CNTLN: variants seen among roughly 807,000 people sequenced by gnomAD.
The protein encoded by CNTLN is centlein, centrosomal protein.
Under a neutral mutation model 180.0 loss-of-function variants are expected in CNTLN, and 212 were observed. The observed-to-expected ratio is 1.18, with a 90% CI of 1.05 to 1.32. The LOEUF (loss-of-function observed/expected upper bound fraction) is 1.32, where lower values mean the gene tolerates loss of function less well. Ranked by LOEUF, CNTLN falls within the 40% of genes most tolerant of loss-of-function variation. The pLI is 0.00. For missense variants in CNTLN, 2,095 were observed against 1,610.9 expected, an observed-to-expected ratio of 1.30 and a Z score of -5.14; for synonymous variants, 722 against 563.1, an observed-to-expected ratio of 1.28 and a Z score of -3.99.
intron 19 of CNTLN, among the ~76,000 whole-genome samples, chr9:17,459,669 G>A (rs1688038644): frequency 6.6e-6 from 1 of 151,732 alleles, no homozygotes; most frequent in South Asian, 2.1e-4. Flanking sequence ...CTAAGATCAA[G>A]GTGTCAACAG....
At chr9:17,450,580 C>G (rs1250180035) in intron 18 of CNTLN, among the ~76,000 whole-genome samples, 1 of 152,174 alleles carries the variant, frequency 6.6e-6, no homozygotes, top group Non-Finnish European at 1.5e-5. Flanking sequence ...GAGGATTAAT[C>G]TACCATTGGC....
intron 14 of CNTLN, among the ~76,000 whole-genome samples, chr9:17,392,064 T>A (rs1481498553): frequency 1.3e-5 from 2 of 151,846 alleles, no homozygotes; most frequent in Non-Finnish European, 2.9e-5. Flanking sequence ...AAAGAAAAAA[T>A]GTGGACCAAT....
chr9:17,327,682 A>C (rs963805585), intron 8 of CNTLN, among the ~76,000 whole-genome samples: 1 of 150,976 alleles, frequency 6.6e-6, no homozygotes, highest in African/African-American at 2.4e-5. Context: ...GGCCGGGTGC[A>C]GTGGCTTATG....
At chr9:17,442,759 C>T (rs1157108209) in intron 18 of CNTLN, among the ~76,000 whole-genome samples, 1 of 152,054 alleles carries the variant, frequency 6.6e-6, no homozygotes, top group Non-Finnish European at 1.5e-5. Flanking sequence ...TTAGAAAATA[C>T]CTTGAGACAA....
intron 2 of CNTLN, among the ~76,000 whole-genome samples, chr9:17,174,253 G>T (rs941707932): frequency 3.3e-5 from 5 of 152,118 alleles, no homozygotes; most frequent in African/African-American, 1.2e-4. Context: ...GGACATCTGG[G>T]TTGTTTCCAG....
At chr9:17,321,558 G>A (rs979038387) in intron 8 of CNTLN, among the ~76,000 whole-genome samples, 1 of 152,134 alleles carries the variant, frequency 6.6e-6, no homozygotes, top group African/African-American at 2.4e-5. Flanking sequence ...ACATTTGGAA[G>A]GGTATATCTA....
intron 6 of CNTLN, among the ~76,000 whole-genome samples, chr9:17,278,116 TCCGGA>T (rs1828430691): frequency 2.6e-5 from 4 of 152,112 alleles, no homozygotes; most frequent in Admixed American, 2.6e-4. Context: ...TAAATAAATA[TCCGGA>T]CCTCTTTCTC....
chr9:17,508,356 C>T (rs764835140), downstream of CNTLN, among the ~76,000 whole-genome samples: 4 of 152,304 alleles, frequency 2.6e-5, no homozygotes, highest in South Asian at 8.3e-4. Flanking sequence ...TACATAACCA[C>T]AGTACACTGT....
At chr9:17,185,009 T>G (rs1391847335) in intron 2 of CNTLN, among the ~76,000 whole-genome samples, 1 of 152,218 alleles carries the variant, frequency 6.6e-6, no homozygotes, top group Non-Finnish European at 1.5e-5. Flanking sequence ...CCAATAACAT[T>G]TAATTTATCT....
chr9:17,481,688 C>T (rs1177427357), intron 23 of CNTLN, among the ~76,000 whole-genome samples: 2 of 152,222 alleles, frequency 1.3e-5, no homozygotes, highest in Non-Finnish European at 2.9e-5. Flanking sequence ...AGCCTACCTG[C>T]AGCCCAACTG....
intron 5 of CNTLN, among the ~76,000 whole-genome samples, chr9:17,241,060 G>A (rs779839789): frequency 4.6e-5 from 7 of 152,078 alleles, no homozygotes; most frequent in Admixed American, 6.5e-5. Flanking sequence ...GGGTTTCATC[G>A]TGTTAGCCAG....
In CNTLN at chr9:17,457,698, T is replaced by C; in HGVS notation, c.3289T>C (p.Leu1097=). Residue 1097 remains leucine, a synonymous_variant, in exon 19 of 26, where the codon TTG becomes CTG. Coordinates refer to ENST00000380647, the MANE Select transcript of CNTLN (RefSeq NM_017738.4). ...SRSMDLEMKQ[L]QYKLKNATNE... is the part of the protein sequence containing the mutation. ...GAGCATGGATTTGGAAATGAAGCAA[T>C]TGCAGTATAAACTAAAGGTGATTAT... 1.3e-6 allele frequency: 2 copies of C among 1,491,306 alleles called. No homozygotes were observed. The highest frequency in any genetic ancestry group is 8.9e-7 in the Non-Finnish European group (1 of 1,117,602). 92.4% of individuals were successfully genotyped at this position (1,491,306 alleles called of 1,614,324 possible).
intron 2 of CNTLN, among the ~76,000 whole-genome samples, chr9:17,185,207 G>C (rs1280934702): frequency 6.6e-6 from 1 of 152,174 alleles, no homozygotes; most frequent in Non-Finnish European, 1.5e-5. Flanking sequence ...CCAAGGTGAA[G>C]TGTGTATTCT....
intron 18 of CNTLN, among the ~76,000 whole-genome samples, chr9:17,425,278 A>T (rs1003759358): frequency 6.6e-6 from 1 of 152,134 alleles, no homozygotes; most frequent in Non-Finnish European, 1.5e-5. Flanking sequence ...AGTTAGAGTT[A>T]AAGGAGGTCC....
chr9:17,184,283 A>G (rs1821299155), intron 2 of CNTLN, among the ~76,000 whole-genome samples: 2 of 151,816 alleles, frequency 1.3e-5, no homozygotes, highest in African/African-American at 4.9e-5. Flanking sequence ...TTGGAATTTG[A>G]ATTTTCAAAT....
chr9:17,471,023 T>A (rs1232447366), intron 23 of CNTLN, among the ~76,000 whole-genome samples: 1 of 152,028 alleles, frequency 6.6e-6, no homozygotes. Flanking sequence ...AATTAACTCT[T>A]TTCACCCTGT....
chr9:17,452,952 C>T (rs959910624), intron 18 of CNTLN, among the ~76,000 whole-genome samples: 1 of 151,792 alleles, frequency 6.6e-6, no homozygotes, highest in African/African-American at 2.4e-5. Context: ...CTGGTAGAGG[C>T]AATTTATATT....
Position 17,484,355 on chromosome 9 carries a change from A to C in CNTLN, c.3916A>C (p.Lys1306Gln), listed in dbSNP as rs552024453. 2 of 1,611,958 alleles carry C rather than the reference A, an allele frequency of 1.2e-6. No individual in the cohort carries two copies. The highest frequency in any genetic ancestry group is 1.7e-6 in the Non-Finnish European group (2 of 1,179,262). The part of the protein sequence containing the change: ...HVVRRQIREL[K>Q]KMKKNRDACK... ...GGTAAGGCGACAAATAAGAGAGCTT[A>C]AAAAAATGAAGAAAAACAGGGACGC... is the stretch of plus-strand genomic sequence containing the variant. Residue 1306 changes from lysine (K) to glutamine (Q), a missense_variant, in exon 24 of 26, where the codon AAA (lysine) becomes CAA (glutamine). Transcript: ENST00000380647.
intron 2 of CNTLN, among the ~76,000 whole-genome samples, chr9:17,216,782 T>C (rs572895508): frequency 1.2e-4 from 18 of 152,332 alleles, no homozygotes; most frequent in African/African-American, 4.3e-4. Flanking sequence ...GGTTGTACCC[T>C]GTCCCATGTG....
Sources: gnomAD v4.1 joint callset for allele counts (sites outside exome capture counted in the v4.1 genomes callset) on GRCh38, gnomAD v4.1.1 for gene constraint, MANE v1.5 for transcripts, NCBI Gene and HGNC (gene_info 2026-07-23, HGNC 2026-07-21) for gene names.